Variants in PRKAG2 observed in about 807,000 individuals in gnomAD.
PRKAG2 encodes 5'-AMP-activated protein kinase subunit gamma-2.
PRKAG2 carries 26 observed loss-of-function variants against 69.6 expected under a neutral mutation model. The ratio of observed to expected loss-of-function variants is 0.37; its 90% CI spans 0.27 to 0.52. PRKAG2 has a LOEUF of 0.52. Ranked by LOEUF, PRKAG2 falls within the 20% of genes least tolerant of loss-of-function variation. PRKAG2 has a pLI of 0.90. For synonymous variants in PRKAG2, 293 were observed against 285.0 expected (o/e 1.03, Z -0.28); for missense variants, 557 against 740.0 (o/e 0.75, Z 2.87).
At chr7:151,678,619 C>A (rs746033479) in intron 3 of PRKAG2, among the ~76,000 whole-genome samples, 1 of 152,010 alleles carries the variant, frequency 6.6e-6, no homozygotes, top group African/African-American at 2.4e-5. Flanking sequence ...GGGTTAGGAC[C>A]CGAAACTTAA....
chr7:151,711,654 T>C (rs1173772460), intron 3 of PRKAG2, among the ~76,000 whole-genome samples: 1 of 152,244 alleles, frequency 6.6e-6, no homozygotes. Flanking sequence ...CCCCATTTTA[T>C]GGATGGTGAA....
intron 2 of PRKAG2, among the ~76,000 whole-genome samples, chr7:151,782,380 A>AAG (rs2076753375): frequency 4.9e-5 from 3 of 61,766 alleles, no homozygotes; most frequent in Admixed American, 1.7e-4. Flanking sequence ...AGGGAAGGAA[A>AAG]GAAGGAAGGA....
chr7:151,664,304 A>G (rs571228132), intron 4 of PRKAG2, among the ~76,000 whole-genome samples: 49 of 152,278 alleles, frequency 3.2e-4, no homozygotes, highest in African/African-American at 1.1e-3. Flanking sequence ...TGAGCCTCAC[A>G]GCAACCCTGT....
chr7:151,844,961 G>A (rs1298576507), intron 1 of PRKAG2, among the ~76,000 whole-genome samples: 1 of 152,032 alleles, frequency 6.6e-6, no homozygotes, highest in Non-Finnish European at 1.5e-5. Context: ...TGGGACACGG[G>A]GACGTCACAG....
intron 6 of PRKAG2, among the ~76,000 whole-genome samples, chr7:151,577,160 T>G (rs1438474830): frequency 7.7e-6 from 1 of 129,372 alleles, no homozygotes; most frequent in Non-Finnish European, 1.6e-5. Flanking sequence ...TTTTTAGTAT[T>G]TTCAATGAGA....
intron 1 of PRKAG2, among the ~76,000 whole-genome samples, chr7:151,837,732 G>C (rs1292890394): frequency 1.3e-5 from 2 of 152,084 alleles, no homozygotes; most frequent in Non-Finnish European, 2.9e-5. Flanking sequence ...AGATGCTAAT[G>C]ATCTATTAAT....
chr7:151,745,965 C>T (rs780480084), intron 3 of PRKAG2, among the ~76,000 whole-genome samples: 2 of 152,194 alleles, frequency 1.3e-5, no homozygotes, highest in Admixed American at 6.5e-5. Flanking sequence ...TGCTCCGTGG[C>T]GCAGAAGCTG....
At chr7:151,667,949 C>T (rs1219241291) in intron 4 of PRKAG2, among the ~76,000 whole-genome samples, 1 of 152,180 alleles carries the variant, frequency 6.6e-6, no homozygotes, top group African/African-American at 2.4e-5. Context: ...GAGGTTATTG[C>T]TATGCAGCAA....
At chr7:151,636,411 T>A (rs911929718) in intron 4 of PRKAG2, among the ~76,000 whole-genome samples, 1 of 152,184 alleles carries the variant, frequency 6.6e-6, no homozygotes, top group Admixed American at 6.5e-5. Flanking sequence ...GATCATACAA[T>A]AGGTGGTCTT....
At chr7:151,764,947 G>A (rs1393181895) in intron 3 of PRKAG2, among the ~76,000 whole-genome samples, 3 of 152,232 alleles carry the variant, frequency 2.0e-5, no homozygotes, top group African/African-American at 4.8e-5. Flanking sequence ...CGAGCATCCT[G>A]TCTGCTGTGT....
intron 1 of PRKAG2, among the ~76,000 whole-genome samples, chr7:151,815,187 CCCCCAA>C (rs61487349): frequency 0.32 from 48,016 of 152,082 alleles, 7,970 homozygotes; most frequent in South Asian, 0.38. Context: ...ACACTCCATT[CCCCCAA>C]CTCCAACCAG....
Position 151,675,497 on chromosome 7 carries a change from T to A in PRKAG2, c.607A>T (p.Arg203Trp). 6.2e-7 allele frequency: 1 copy of A among 1,614,168 alleles called. No homozygotes were observed. The change falls in exon 4 of 16, where the codon AGG becomes TGG. Residue 203 changes from arginine (R) to tryptophan (W), a missense_variant. By Grantham distance (101) the Arg-to-Trp change is moderately radical (BLOSUM62 -3). Around this residue, in one of 2 missense-constraint regions of PRKAG2, gnomAD observed 352 missense variants for 356.7 expected, o/e 0.99. Transcript: ENST00000287878. ...ASSSPPDTGQ[R>W]FCPSSFQSPT... is the part of the protein sequence containing the mutation. ...CTCTGGAAGGAAGACGGGCAGAACC[T>A]CTGCCCTGTGTCCGGGGGGGAAGAC...
intron 1 of PRKAG2, among the ~76,000 whole-genome samples, chr7:151,853,826 C>T (rs1448172083): frequency 1.3e-5 from 2 of 151,846 alleles, no homozygotes; most frequent in African/African-American, 4.8e-5. Context: ...TTATCACCTG[C>T]TCTTCACTGC....
intron 10 of PRKAG2, among the ~76,000 whole-genome samples, chr7:151,569,544 C>T (rs1274726407): frequency 6.6e-6 from 1 of 152,240 alleles, no homozygotes; most frequent in Non-Finnish European, 1.5e-5. Context: ...TTCTGTTCTA[C>T]TTGGTCCCTC....
intron 3 of PRKAG2, among the ~76,000 whole-genome samples, chr7:151,732,748 A>G (rs1188718531): frequency 3.3e-5 from 5 of 152,156 alleles, no homozygotes; most frequent in African/African-American, 1.2e-4. Context: ...GCTAGAGTGC[A>G]ATGGCATAAT....
At chr7:151,667,101 G>A (rs1831165416) in intron 4 of PRKAG2, among the ~76,000 whole-genome samples, 1 of 152,142 alleles carries the variant, frequency 6.6e-6, no homozygotes, top group African/African-American at 2.4e-5. Flanking sequence ...GAGTATAAAG[G>A]CCTAGTTTCT....
chr7:151,756,240 C>A lies in PRKAG2; in HGVS notation c.466+24912G>T, dbSNP rs2075075803. 2.0e-5 allele frequency among the ~76,000 whole-genome samples: 3 copies of A among 152,146 alleles called. No individual in the cohort carries two copies. The highest frequency in any genetic ancestry group is 7.2e-5 in the African/African-American group (3 of 41,436). ...TCACGTACAGGTCATGTGAGCAATG[C>A]CCCAGGAACACACACCACACACGTG... On this transcript the variant is annotated intron_variant, in intron 3 of 15. Transcript: ENST00000287878. The surrounding 1 kb of genome is among the most constrained non-coding windows in gnomAD (Gnocchi z 4.9).
At chr7:151,631,951 A>G in intron 5 of PRKAG2, 118 bp downstream of exon 5, 1 of 1,011,492 alleles carries the variant, frequency 9.9e-7, no homozygotes, top group Non-Finnish European at 1.2e-6. Flanking sequence ...GGGCTTCCGC[A>G]GGACGCAGCT....
rs373203119 is a variant in PRKAG2, at chr7:151,722,821, C to T, written c.467-47184G>A. ...CACACAGCAAAACTGATTAGATAGG[C>T]ACAGGCCCGGCAGGTCCCCATTAAA... is the stretch of plus-strand genomic sequence containing the variant. On this transcript the variant is annotated intron_variant, in intron 3 of 15. Transcript: ENST00000287878. Among the ~76,000 whole-genome samples, 23 of 152,256 alleles carry T rather than the reference C, an allele frequency of 1.5e-4. No homozygotes were observed. In the East Asian group the frequency reaches 4.1e-3, roughly 27 times the overall value.
Sources: allele counts gnomAD v4.1 joint callset (sites outside exome capture counted in the v4.1 genomes callset), GRCh38; gene constraint gnomAD v4.1.1; regional missense constraint gnomAD v4.1.1; non-coding constraint Gnocchi (gnomAD v3.1); transcripts MANE v1.5; gene names NCBI Gene and HGNC (gene_info 2026-07-23, HGNC 2026-07-21).